The following MBNL2 variants were observed in gnomAD, a reference collection of about 807,000 sequenced individuals.
MBNL2 encodes muscleblind like splicing regulator 2.
A neutral mutation model predicts 41.9 loss-of-function variants in MBNL2; 17 were observed. The observed-to-expected ratio is 0.41, with a 90% CI of 0.28 to 0.61. The LOEUF (loss-of-function observed/expected upper bound fraction) is 0.61. Ranked by LOEUF, MBNL2 falls within the 20% of genes least tolerant of loss-of-function variation. The pLI, the probability that MBNL2 is intolerant of heterozygous loss-of-function variation, is 0.35. For missense variants in MBNL2, 336 were observed against 505.6 expected, an observed-to-expected ratio of 0.66 and a Z score of 3.22; for synonymous variants, 195 against 182.9, an observed-to-expected ratio of 1.07 and a Z score of -0.53.
chr13:97,297,225 C>T (rs943410419), intron 2 of MBNL2, among the ~76,000 whole-genome samples: 3 of 152,162 alleles, frequency 2.0e-5, no homozygotes, highest in Admixed American at 1.3e-4. Flanking sequence ...GCCTAACATA[C>T]ATGAGGTTCT....
intron 2 of MBNL2, among the ~76,000 whole-genome samples, chr13:97,324,614 T>C (rs758070520): frequency 9.9e-5 from 15 of 152,242 alleles, no homozygotes; most frequent in Middle Eastern, 3.4e-3. Flanking sequence ...GGGAGTTTAT[T>C]GGGAGAATCG....
At chr13:97,149,684 A>G in the MBNL2 span, among the ~76,000 whole-genome samples, 1 of 152,036 alleles carries the variant, frequency 6.6e-6, no homozygotes, top group African/African-American at 2.4e-5. Flanking sequence ...CCCAACACAA[A>G]CTAATACTAG....
intron 2 of MBNL2, among the ~76,000 whole-genome samples, chr13:97,329,700 A>G (rs2060238439): frequency 6.5e-3 from 1 of 154 alleles, no homozygotes; most frequent in Non-Finnish European, 0.012. Flanking sequence ...CAATACACAC[A>G]CATGCAGCAC....
At chr13:97,213,710 G>A in the MBNL2 span, among the ~76,000 whole-genome samples, 7 of 152,238 alleles carry the variant, frequency 4.6e-5, no homozygotes, top group South Asian at 2.1e-4. Flanking sequence ...AGCAAGTCAC[G>A]TGATAAACCC....
chr13:97,355,050 G>A (rs1594257516), intron 5 of MBNL2, among the ~76,000 whole-genome samples: 2 of 152,082 alleles, frequency 1.3e-5, no homozygotes, highest in African/African-American at 2.4e-5. Flanking sequence ...TGGAAGATTC[G>A]AAACAAAAAT....
intron 2 of MBNL2, among the ~76,000 whole-genome samples, chr13:97,329,037 A>C (rs2060150214): frequency 6.6e-6 from 1 of 152,190 alleles, no homozygotes; most frequent in South Asian, 2.1e-4. Flanking sequence ...TAATTCCAAT[A>C]GCACCAATCT....
At chr13:97,361,424 T>G (rs2063382440) in intron 7 of MBNL2, among the ~76,000 whole-genome samples, 1 of 152,124 alleles carries the variant, frequency 6.6e-6, no homozygotes, top group Admixed American at 6.5e-5. Flanking sequence ...ATGGGAGTGT[T>G]GTACAAAGGC....
intron 2 of MBNL2, among the ~76,000 whole-genome samples, chr13:97,311,681 T>C (rs908842204): frequency 6.6e-5 from 10 of 151,686 alleles, no homozygotes; most frequent in Admixed American, 2.6e-4. Flanking sequence ...AAAAAAACCA[T>C]GTGTAGATGT....
chr13:97,182,688 C>T, the MBNL2 span, among the ~76,000 whole-genome samples: 3 of 152,178 alleles, frequency 2.0e-5, no homozygotes, highest in Non-Finnish European at 4.4e-5. Flanking sequence ...ATTTTTTGAA[C>T]TGTCAAGATA....
At chr13:97,198,080 C>T in the MBNL2 span, among the ~76,000 whole-genome samples, 1 of 152,098 alleles carries the variant, frequency 6.6e-6, no homozygotes, top group African/African-American at 2.4e-5. Context: ...CTTGGTCAAA[C>T]ATTATTCTAG....
intron 8 of MBNL2, among the ~76,000 whole-genome samples, chr13:97,383,577 T>A (rs1453571179): frequency 6.6e-6 from 1 of 152,186 alleles, no homozygotes; most frequent in Non-Finnish European, 1.5e-5. Context: ...GAATTAGAGC[T>A]TTGAATATAA....
the MBNL2 span, among the ~76,000 whole-genome samples, chr13:97,146,516 G>C: frequency 6.6e-6 from 1 of 152,166 alleles, no homozygotes; most frequent in African/African-American, 2.4e-5. Flanking sequence ...TGATTGGTGG[G>C]CTTTCAGAAA....
chr13:97,276,386 A>G lies in MBNL2; in HGVS notation c.151A>G (p.Ile51Val). 1 of 1,614,082 alleles carries G rather than the reference A, an allele frequency of 6.2e-7. No homozygotes were observed. The highest frequency in any genetic ancestry group is 8.5e-7 in the Non-Finnish European group (1 of 1,179,954). The change falls in exon 2 of 9, where the codon ATT (isoleucine) becomes GTT (valine). Residue 51 changes from isoleucine (I) to valine (V), a missense_variant. Ile to Val is a conservative substitution (Grantham distance 29). Coordinates refer to ENST00000679496, the MANE Select transcript of MBNL2 (RefSeq NM_001382683.1). ...KSCQVENGRV[I>V]ACFDSLKGRC... Reference sequence around the variant, plus strand: ...TTGTCAGGTTGAAAATGGAAGAGTAATTGCCTGCTTTGATTCCCTAAAGGT... The same window carrying G: ...TTGTCAGGTTGAAAATGGAAGAGTAGTTGCCTGCTTTGATTCCCTAAAGGT...
At chr13:97,242,402 G>C (rs889912173) in intron 1 of MBNL2, among the ~76,000 whole-genome samples, 1 of 152,168 alleles carries the variant, frequency 6.6e-6, no homozygotes, top group African/African-American at 2.4e-5. Flanking sequence ...CCCTGGTGCA[G>C]GTCAGGCCAA....
chr13:97,147,959 G>C, the MBNL2 span, among the ~76,000 whole-genome samples: 1 of 152,152 alleles, frequency 6.6e-6, no homozygotes. Context: ...GCAAAGGGAG[G>C]CAACTAGAAA....
intron 2 of MBNL2, among the ~76,000 whole-genome samples, chr13:97,324,419 C>G (rs1283367554): frequency 6.6e-6 from 1 of 152,130 alleles, no homozygotes; most frequent in Non-Finnish European, 1.5e-5. Context: ...CCCTCCCTAG[C>G]AGGAGAAATT....
chr13:97,274,738 T>A lies in MBNL2; in HGVS notation c.-604-894T>A, dbSNP rs111406958. 3.7e-3 allele frequency among the ~76,000 whole-genome samples: 560 copies of A among 152,298 alleles called. 2 individuals are homozygous for A. Among genetic ancestry groups the A allele is most frequent in the African/African-American group, 0.013 (524 of 41,572 alleles). On this transcript the variant is annotated intron_variant, in intron 1 of 8. Coordinates refer to ENST00000679496, the MANE Select transcript of MBNL2 (RefSeq NM_001382683.1). ...GCTTGTCCCAGTAACTGGAATTTAA[T>A]GTTTAATGATTTCATAACCCTTGAA...
At chr13:97,387,018 T>C (rs2065971640) in intron 8 of MBNL2, among the ~76,000 whole-genome samples, 1 of 151,792 alleles carries the variant, frequency 6.6e-6, no homozygotes, top group African/African-American at 2.4e-5. Context: ...ATTCCTATTT[T>C]TGTCTGTTCT....
chr13:97,303,663 G>C (rs368152598), intron 2 of MBNL2, among the ~76,000 whole-genome samples: 1 of 152,316 alleles, frequency 6.6e-6, no homozygotes, highest in East Asian at 1.9e-4. Flanking sequence ...CTGCTCCGGT[G>C]GCAGAATGCC....
Sources: allele counts gnomAD v4.1 joint callset (sites outside exome capture counted in the v4.1 genomes callset), GRCh38; gene constraint gnomAD v4.1.1; transcripts MANE v1.5; gene names NCBI Gene and HGNC (gene_info 2026-07-23, HGNC 2026-07-21).